The following PCNP variants were observed in gnomAD, a reference collection of about 807,000 sequenced individuals.
PCNP encodes PEST proteolytic signal-containing nuclear protein.
In PCNP, 6 loss-of-function variants were observed where a neutral mutation model predicts 21.8. The observed-to-expected ratio is 0.28, with a 90% CI of 0.15 to 0.54. PCNP has a LOEUF of 0.54. Among genes scored for constraint, PCNP ranks in the 20% least tolerant of loss-of-function variants. PCNP has a pLI of 0.95. For missense variants in PCNP, 161 were observed against 215.5 expected, an observed-to-expected ratio of 0.75 and a Z score of 1.58; for synonymous variants, 67 against 73.2, an observed-to-expected ratio of 0.92 and a Z score of 0.43.
chr3:101,574,809 C>G (rs566338809), intron 1 of PCNP: 2 of 153,056 alleles, frequency 1.3e-5, no homozygotes, highest in East Asian at 3.8e-4. Context: ...ACAACTCCGG[C>G]CTGCTCTCTT....
At chr3:101,586,994 C>G (rs915079322) in intron 3 of PCNP, among the ~76,000 whole-genome samples, 1 of 152,110 alleles carries the variant, frequency 6.6e-6, no homozygotes, top group African/African-American at 2.4e-5. Context: ...TGGCTCATGG[C>G]TGTAATCCCA....
chr3:101,585,342 T>C (rs1263207207), intron 2 of PCNP, 95 bp from the exon 3 acceptor site: 7 of 725,336 alleles, frequency 9.7e-6, no homozygotes, highest in East Asian at 2.9e-5. Context: ...TGTGGAAATA[T>C]AGTTAAATCA....
intron 4 of PCNP, among the ~76,000 whole-genome samples, chr3:101,591,338 G>A (rs1935794199): frequency 6.6e-6 from 1 of 152,110 alleles, no homozygotes; most frequent in African/African-American, 2.4e-5. Flanking sequence ...TCTTCCAAAT[G>A]TATGAACCCA....
chr3:101,589,137 G>GT (rs1476032192), intron 3 of PCNP, among the ~76,000 whole-genome samples: 2 of 151,922 alleles, frequency 1.3e-5, no homozygotes, highest in African/African-American at 4.8e-5. Context: ...GTCTCTTACT[G>GT]TAAGGAAGAG....
intron 3 of PCNP, among the ~76,000 whole-genome samples, chr3:101,588,198 G>A (rs141677339): frequency 6.6e-6 from 1 of 152,168 alleles, no homozygotes; most frequent in East Asian, 1.9e-4. Context: ...TTGAACCCGG[G>A]GGGTGGAGGT....
At chr3:101,584,405 T>C (rs1271835379) in intron 2 of PCNP, among the ~76,000 whole-genome samples, 4 of 152,104 alleles carry the variant, frequency 2.6e-5, no homozygotes, top group Non-Finnish European at 4.4e-5. Context: ...TCCCAAAGTG[T>C]TGAGATTGCA....
intron 2 of PCNP, 60 bp from the exon 3 acceptor site, chr3:101,585,377 T>C (rs1287667232): frequency 1.0e-6 from 1 of 976,790 alleles, no homozygotes; most frequent in Non-Finnish European, 1.6e-6. Context: ...TTCATATCAT[T>C]AAACAAGCTT....
chr3:101,581,461 TCTCA>T (rs1935217261), intron 2 of PCNP, among the ~76,000 whole-genome samples: 1 of 152,056 alleles, frequency 6.6e-6, no homozygotes, highest in Non-Finnish European at 1.5e-5. Flanking sequence ...AGATGGAGTC[TCTCA>T]CTCTGTCATC....
At chr3:101,574,452 G>T (rs964328563) in intron 1 of PCNP, among the ~76,000 whole-genome samples, 173 bp downstream of exon 1, 5 of 152,322 alleles carry the variant, frequency 3.3e-5, no homozygotes, top group African/African-American at 1.2e-4. Context: ...TGGGCTCCGG[G>T]CCTACATCGC....
At chr3:101,577,898 A>C (rs988441944) in intron 1 of PCNP, among the ~76,000 whole-genome samples, 1 of 152,214 alleles carries the variant, frequency 6.6e-6, no homozygotes, top group Non-Finnish European at 1.5e-5. Flanking sequence ...CAATGAAAAA[A>C]CAAAAAAATG....
At chr3:101,575,474 CTGTCTTTTTTT>C (rs1559954963) in intron 1 of PCNP, among the ~76,000 whole-genome samples, 1 of 147,942 alleles carries the variant, frequency 6.8e-6, no homozygotes, top group Non-Finnish European at 1.5e-5. Flanking sequence ...TCCCCACCCC[CTGTCTTTTTTT>C]TTTTTTATAA....
rs555517362 is a variant in PCNP at position 101,591,972 on chromosome 3, G to A, written c.411-655G>A. On this transcript the variant is annotated intron_variant, in intron 4 of 4. Coordinates refer to ENST00000265260, the MANE Select transcript of PCNP (RefSeq NM_020357.3). ...TTTTTTGTCGAGACAGGGTCTCACC[G>A]TGTTGCTCTGGCTGGGAGGCAACAG... 5.9e-5 allele frequency among the ~76,000 whole-genome samples: 9 copies of A among 151,882 alleles called. 1 individual carries two copies. In the South Asian group the frequency reaches 6.2e-4, roughly 11 times the overall value.
At chr3:101,586,568 G>GAGAGAGAGAGAGAGAGAGTTTCT (rs1229693275) in intron 3 of PCNP, among the ~76,000 whole-genome samples, 1 of 77,496 alleles carries the variant, frequency 1.3e-5, no homozygotes, top group Non-Finnish European at 3.2e-5. Context: ...GTGTGTGTGT[G>GAGAGAGAGAGAGAGAGAGTTTCT]TGTGAGAGAG....
chr3:101,574,099 C>A, upstream of PCNP: 1 of 1,413,700 alleles, frequency 7.1e-7, no homozygotes, highest in Non-Finnish European at 9.3e-7. Context: ...GGCCTCTTTT[C>A]ATTCCTCGGG....
chr3:101,586,363 C>T (rs1935505543), intron 3 of PCNP, among the ~76,000 whole-genome samples: 2 of 151,906 alleles, frequency 1.3e-5, no homozygotes, highest in South Asian at 2.1e-4. Flanking sequence ...CTCACAATGT[C>T]GTTATCTTCC....
intron 1 of PCNP, chr3:101,576,488 C>T (rs1934898310): frequency 6.3e-7 from 1 of 1,587,754 alleles, no homozygotes; most frequent in South Asian, 1.1e-5. Flanking sequence ...GGCCTACAGA[C>T]TTATTTCTTC....
rs1047575392 is a variant in PCNP at position 101,593,620 on chromosome 3, G to A, written c.*867G>A. 1 of 152,124 alleles carries A rather than the reference G, an allele frequency of 6.6e-6. No individual in the cohort carries two copies. Among genetic ancestry groups the A allele is most frequent in the Non-Finnish European group, 1.5e-5 (1 of 67,938 alleles). The allele number at this position is 152,124 out of a possible 1,614,324, so 9.4% of individuals were successfully genotyped here. On this transcript the variant is annotated 3_prime_UTR_variant, in exon 5 of 5. Coordinates refer to ENST00000265260, the MANE Select transcript of PCNP (RefSeq NM_020357.3). ...TTTGGCTGTTTTTATTTTTTAAAAG[G>A]TATAAACACCAAAAAAAAAATTAAC...
chr3:101,584,274 T>C (rs1311126711), intron 2 of PCNP, among the ~76,000 whole-genome samples: 2 of 152,170 alleles, frequency 1.3e-5, no homozygotes, highest in African/African-American at 4.8e-5. Flanking sequence ...GAAAAGTCAT[T>C]GACAACAAAA....
chr3:101,582,782 A>C (rs2108280615), intron 2 of PCNP, among the ~76,000 whole-genome samples: 1 of 152,346 alleles, frequency 6.6e-6, no homozygotes, highest in Middle Eastern at 3.4e-3. Context: ...GTTGGACTTA[A>C]ATGTAGGCAG....
Sources: allele counts gnomAD v4.1 joint callset (sites outside exome capture counted in the v4.1 genomes callset), GRCh38; gene constraint gnomAD v4.1.1; transcripts MANE v1.5; gene names NCBI Gene and HGNC (gene_info 2026-07-23, HGNC 2026-07-21).